Variants in KCTD16 observed in about 807,000 individuals in gnomAD.
KCTD16 encodes the protein BTB/POZ domain-containing protein KCTD16.
A neutral mutation model predicts 33.2 loss-of-function variants in KCTD16; 13 were observed. The ratio of observed to expected loss-of-function variants is 0.39; its 90% CI spans 0.25 to 0.62. KCTD16 has a LOEUF of 0.62. Ranked by LOEUF, KCTD16 falls within the 20% of genes least tolerant of loss-of-function variation. The pLI is 0.50. For missense variants in KCTD16, 441 were observed against 525.1 expected (o/e 0.84, Z 1.57); for synonymous variants, 197 against 195.3 (o/e 1.01, Z -0.07).
intron 3 of KCTD16, among the ~76,000 whole-genome samples, chr5:144,228,170 G>A (rs950017210): frequency 1.3e-5 from 2 of 152,118 alleles, no homozygotes; most frequent in Admixed American, 1.3e-4. Context: ...AAAGAGAGTA[G>A]GTCCGAGAAT....
At chr5:144,330,974 A>T (rs1752344952) in intron 3 of KCTD16, among the ~76,000 whole-genome samples, 1 of 152,226 alleles carries the variant, frequency 6.6e-6, no homozygotes, top group Non-Finnish European at 1.5e-5. Context: ...TAGGAATGTA[A>T]AGTGAGGAAA....
chr5:144,235,305 G>A (rs563427006), intron 3 of KCTD16, among the ~76,000 whole-genome samples: 9 of 152,148 alleles, frequency 5.9e-5, no homozygotes, highest in African/African-American at 2.2e-4. Context: ...CTCCCAAGGG[G>A]TGTGGCTTCC....
intron 3 of KCTD16, among the ~76,000 whole-genome samples, chr5:144,454,373 CTG>C (rs1216227215): frequency 1.2e-4 from 18 of 152,138 alleles, no homozygotes; most frequent in Non-Finnish European, 2.4e-4. Context: ...TAAATCAACT[CTG>C]TTTTCTCAGA....
intron 3 of KCTD16, among the ~76,000 whole-genome samples, chr5:144,310,048 T>A (rs899175209): frequency 2.7e-5 from 4 of 148,054 alleles, no homozygotes; most frequent in African/African-American, 2.5e-5. Context: ...TTTTTTTTTT[T>A]AAATACTGTG....
At chr5:144,180,010 C>T (rs536750354) in intron 2 of KCTD16, among the ~76,000 whole-genome samples, 11 of 152,282 alleles carry the variant, frequency 7.2e-5, no homozygotes, top group African/African-American at 2.2e-4. Flanking sequence ...GAGAAATGCT[C>T]CTGTTCCTCA....
rs1204118041 is a variant in KCTD16, at chr5:144,187,096, A to G, written c.-327+12624A>G. ...TTCCATATATACATAAACATAAAAA[A>G]TAGTTCATAGAACACAAATCTTCTT... On this transcript the variant is annotated intron_variant, in intron 2 of 3. Coordinates refer to ENST00000512467, the MANE Select transcript of KCTD16 (RefSeq NM_020768.4). 2.0e-5 allele frequency among the ~76,000 whole-genome samples: 3 copies of G among 152,228 alleles called. No homozygotes were observed. The East Asian group carries it at 5.8e-4, about 29-fold the overall frequency.
At chr5:144,363,694 TGCTAAATC>T (rs1213637875) in intron 3 of KCTD16, among the ~76,000 whole-genome samples, 3 of 152,100 alleles carry the variant, frequency 2.0e-5, no homozygotes, top group Non-Finnish European at 4.4e-5. Context: ...AGGAAATTGG[TGCTAAATC>T]GCCTAGTCTC....
intron 3 of KCTD16, among the ~76,000 whole-genome samples, chr5:144,270,824 A>G (rs1755272523): frequency 6.6e-6 from 1 of 151,868 alleles, no homozygotes; most frequent in Non-Finnish European, 1.5e-5. Context: ...AAAATCAGAA[A>G]TGAAAGTGAT....
chr5:144,212,630 G>A (rs1267269984), intron 3 of KCTD16, among the ~76,000 whole-genome samples: 1 of 152,164 alleles, frequency 6.6e-6, no homozygotes, highest in Non-Finnish European at 1.5e-5. Flanking sequence ...GAGCGACTAC[G>A]CATAGGATGA....
intron 2 of KCTD16, among the ~76,000 whole-genome samples, chr5:144,186,488 A>G (rs1752730083): frequency 6.6e-6 from 1 of 152,076 alleles, no homozygotes; most frequent in Non-Finnish European, 1.5e-5. Flanking sequence ...CATTGCATTT[A>G]TTTTATTTAT....
chr5:144,299,307 A>G (rs1751352145), intron 3 of KCTD16, among the ~76,000 whole-genome samples: 1 of 151,256 alleles, frequency 6.6e-6, no homozygotes, highest in Admixed American at 6.6e-5. Context: ...ACTTGGCTGT[A>G]CATAATAATG....
At chr5:144,369,775 T>C (rs1751924981) in intron 3 of KCTD16, among the ~76,000 whole-genome samples, 1 of 152,142 alleles carries the variant, frequency 6.6e-6, no homozygotes, top group African/African-American at 2.4e-5. Flanking sequence ...ATTTCCCAGG[T>C]GTAAAATGAG....
chr5:144,208,736 C>CA (rs1235266130), intron 3 of KCTD16, among the ~76,000 whole-genome samples: 1 of 152,130 alleles, frequency 6.6e-6, no homozygotes, highest in Non-Finnish European at 1.5e-5. Context: ...AGTGGGAAGC[C>CA]AAGTCATTCT....
chr5:144,377,330 C>A (rs1752116406), intron 3 of KCTD16, among the ~76,000 whole-genome samples: 1 of 152,124 alleles, frequency 6.6e-6, no homozygotes, highest in Admixed American at 6.6e-5. Context: ...TGGACAGTGG[C>A]AAACTGGTAA....
chr5:144,401,806 T>A (rs1580934111), intron 3 of KCTD16, among the ~76,000 whole-genome samples: 1 of 152,356 alleles, frequency 6.6e-6, no homozygotes, highest in East Asian at 1.9e-4. Flanking sequence ...CTTCTCAGAT[T>A]TTAAATCTGT....
At chr5:144,317,429 T>A (rs2126882130) in intron 3 of KCTD16, among the ~76,000 whole-genome samples, 1 of 152,224 alleles carries the variant, frequency 6.6e-6, no homozygotes, top group East Asian at 1.9e-4. Context: ...AGTAGATTTC[T>A]GGGCCTCAGA....
chr5:144,302,738 T>G lies in KCTD16; in HGVS notation c.832+95192T>G, dbSNP rs1006346932. 1.1e-4 allele frequency among the ~76,000 whole-genome samples: 17 copies of G among 152,306 alleles called. No homozygotes were observed. The East Asian group carries it at 3.3e-3, about 29-fold the overall frequency. On this transcript the variant is annotated intron_variant, in intron 3 of 3. Coordinates refer to ENST00000512467, the MANE Select transcript of KCTD16 (RefSeq NM_020768.4). The stretch of plus-strand genomic sequence containing the variant: ...CTGACATTCAACATCCTTGGAAAAA[T>G]CAGTTGCTCTAGTGTATAGAATGTT...
Position 144,233,106 on chromosome 5 carries a change from A to G in KCTD16, c.832+25560A>G, listed in dbSNP as rs539900136. On this transcript the variant is annotated intron_variant, in intron 3 of 3. Coordinates refer to ENST00000512467, the MANE Select transcript of KCTD16 (RefSeq NM_020768.4). ...TTCAGGCAGATCGAGTCATGGTAGA[A>G]CTGTGTCTTTTAGATTTTGATAATT... is the stretch of plus-strand genomic sequence containing the variant. Among the ~76,000 whole-genome samples the G allele has an allele frequency of 4.6e-5, 7 of 152,188 alleles. No homozygotes were observed. The South Asian group carries it at 1.5e-3, about 32-fold the overall frequency.
intron 3 of KCTD16, among the ~76,000 whole-genome samples, chr5:144,382,446 C>T (rs931242583): frequency 5.3e-5 from 8 of 152,104 alleles, no homozygotes; most frequent in Non-Finnish European, 1.0e-4. Context: ...ATCAGCACCT[C>T]CAGGAAGGCT....
Sources: allele counts gnomAD v4.1 joint callset (sites outside exome capture counted in the v4.1 genomes callset), GRCh38; gene constraint gnomAD v4.1.1; transcripts MANE v1.5; gene names NCBI Gene and HGNC (gene_info 2026-07-23, HGNC 2026-07-21).